NOTCH2NLR: variants seen among roughly 807,000 people sequenced by gnomAD.
NOTCH2NLR encodes the protein notch 2 N-terminal like R, also known as notch 2 N-terminal like R (pseudogene).
A neutral mutation model predicts 35.6 loss-of-function variants in NOTCH2NLR; 33 were observed. The observed-to-expected ratio is 0.93, with a 90% confidence interval of 0.70 to 1.24. The LOEUF is 1.24. Among genes scored for constraint, NOTCH2NLR ranks in the 50% most tolerant of loss-of-function variants. NOTCH2NLR has a pLI of 0.00. For missense variants in NOTCH2NLR, 276 were observed against 362.2 expected, an observed-to-expected ratio of 0.76 and a Z score of 1.93; for synonymous variants, 103 against 141.0, an observed-to-expected ratio of 0.73 and a Z score of 1.91.
In NOTCH2NLR at chr1:120,728,419, A is replaced by G. The variant is rs1650838949; in HGVS notation, c.73+4169A>G. On this transcript the variant is annotated intron_variant, in intron 1 of 4. Transcript: ENST00000624419. ...AATTTTTCCCTTCCCCAGATGTTTC[A>G]TTTAAACTTGTAATTTTGAATTTCT... Among the ~76,000 whole-genome samples, 6 of 110,530 alleles carry G rather than the reference A, an allele frequency of 5.4e-5. 1 individual carries two copies. The South Asian group carries it at 1.6e-3, about 30-fold the overall frequency. The allele number at this position is 110,530 out of a possible 152,430, so 72.5% of individuals were successfully genotyped here.
At chr1:120,740,296 AGGTT>A (rs1362042866) in intron 1 of NOTCH2NLR, among the ~76,000 whole-genome samples, 1 of 117,086 alleles carries the variant, frequency 8.5e-6, no homozygotes, top group East Asian at 2.2e-4. Flanking sequence ...AGGCTAGGGG[AGGTT>A]GAGGAGATTA....
intron 3 of NOTCH2NLR, among the ~76,000 whole-genome samples, chr1:120,790,312 C>G (rs1423705058): frequency 8.9e-6 from 1 of 112,592 alleles, no homozygotes; most frequent in Admixed American, 8.4e-5. Context: ...CCACACCGGG[C>G]CGATTCTGAT....
rs1272569177 is a variant in NOTCH2NLR, at chr1:120,756,509, GA to G, written c.74-7112del. On this transcript the variant is annotated intron_variant, in intron 1 of 4. Coordinates refer to ENST00000624419, the Ensembl canonical transcript of NOTCH2NLR. ...ACACTGCAGATAGGGAGAAGGATAT[GA>G]AAAAAATCATGTGAGATAGACGACA... Among the ~76,000 whole-genome samples the G allele has an allele frequency of 2.6e-4, 30 of 116,826 alleles. 5 individuals carry two copies. The highest frequency in any genetic ancestry group is 2.4e-3 in the Admixed American group (30 of 12,298). 76.6% of individuals were successfully genotyped at this position (116,826 alleles called of 152,430 possible).
chr1:120,779,474 G>A (rs1178877431), intron 2 of NOTCH2NLR, among the ~76,000 whole-genome samples: 1 of 117,706 alleles, frequency 8.5e-6, no homozygotes, highest in Non-Finnish European at 1.7e-5. Flanking sequence ...CAATGCTAGA[G>A]AAGAGAGAGT....
intron 2 of NOTCH2NLR, among the ~76,000 whole-genome samples, chr1:120,765,571 G>T (rs1651181921): frequency 1.4e-5 from 1 of 71,872 alleles, no homozygotes; most frequent in Non-Finnish European, 2.7e-5. Context: ...TTTCAGTGTG[G>T]CGATTCCTCA....
rs1467135869 is a variant in NOTCH2NLR, at chr1:120,784,874, C to A, written c.156-100C>A. 3.6e-5 allele frequency: 38 copies of A among 1,043,044 alleles called. 7 individuals are homozygous for A. The highest frequency in any genetic ancestry group is 4.6e-5 in the Non-Finnish European group (34 of 733,772). 64.6% of individuals were successfully genotyped at this position (1,043,044 alleles called of 1,614,324 possible). A position where few individuals can be genotyped will look rare whatever the true frequency, so the allele number is the denominator to read the frequency against. ...TGGTACTTGTAGGTCTGTTGATTCA[C>A]AATCTCGTGCTTTCTTGATTGGACT... On this transcript the variant is annotated intron_variant, in intron 2 of 4. Coordinates refer to ENST00000624419, the Ensembl canonical transcript of NOTCH2NLR.
At chr1:120,769,660 A>T (rs1412727859) in intron 2 of NOTCH2NLR, among the ~76,000 whole-genome samples, 1 of 120,572 alleles carries the variant, frequency 8.3e-6, no homozygotes, top group East Asian at 2.0e-4. Context: ...TTCAAGAGTT[A>T]TTTATTGCAT....
chr1:120,724,671 G>T (rs1432407747), intron 1 of NOTCH2NLR, among the ~76,000 whole-genome samples: 1 of 124,236 alleles, frequency 8.0e-6, no homozygotes, highest in Non-Finnish European at 1.6e-5. Flanking sequence ...GGAGAGCGGG[G>T]GCAGGGCCGC....
intron 2 of NOTCH2NLR, among the ~76,000 whole-genome samples, chr1:120,770,608 A>G (rs1651252274): frequency 8.3e-6 from 1 of 121,100 alleles, no homozygotes; most frequent in South Asian, 2.3e-4. Context: ...GTAGTTTAAC[A>G]TGTATTTACT....
intron 3 of NOTCH2NLR, among the ~76,000 whole-genome samples, chr1:120,789,876 A>G (rs1165586365): frequency 1.7e-5 from 1 of 57,158 alleles, no homozygotes; most frequent in Non-Finnish European, 2.9e-5. Flanking sequence ...AAATATTTCA[A>G]TTCTGGCTAG....
exon 1 of NOTCH2NLR, chr1:120,724,171 C>A: frequency 3.6e-6 from 5 of 1,387,364 alleles, no homozygotes; most frequent in Non-Finnish European, 3.8e-6. Flanking sequence ...AGGAGGCGAC[C>A]GAGAAGATGC....
In NOTCH2NLR at chr1:120,790,615, T is replaced by C. The variant is rs1417631875; in HGVS notation, c.416-2546T>C. 8.4e-4 allele frequency among the ~76,000 whole-genome samples: 91 copies of C among 107,712 alleles called. 27 individuals carry two copies. The highest frequency in any genetic ancestry group is 4.9e-3 in the African/African-American group (83 of 16,952). 70.7% of individuals were successfully genotyped at this position (107,712 alleles called of 152,430 possible). A position where few individuals can be genotyped will look rare whatever the true frequency, so the allele number is the denominator to read the frequency against. On this transcript the variant is annotated intron_variant, in intron 3 of 4. Coordinates refer to ENST00000624419, the Ensembl canonical transcript of NOTCH2NLR. ...TTCTCTTTCTCTCTCTTTCCCTCTC[T>C]CTTTCTGTCTTTCTTTCTTCTCACT...
rs1385546258 is a variant in NOTCH2NLR, at chr1:120,778,606, G to T, written c.156-6368G>T. Among the ~76,000 whole-genome samples the T allele has an allele frequency of 2.4e-3, 40 of 16,388 alleles. 6 individuals are homozygous for T. The highest frequency in any genetic ancestry group is 0.022 in the African/African-American group (29 of 1,320). The allele number at this position is 16,388 out of a possible 152,430, so 10.8% of individuals were successfully genotyped here. A position where few individuals can be genotyped will look rare whatever the true frequency, so the allele number is the denominator to read the frequency against. ...TTTTTTTTTGAATGGCCAAATCCTC[G>T]TTTTAAAAAAAAAAAAAAAAAAAAA... On this transcript the variant is annotated intron_variant, in intron 2 of 4. Coordinates refer to ENST00000624419, the Ensembl canonical transcript of NOTCH2NLR.
intron 2 of NOTCH2NLR, among the ~76,000 whole-genome samples, chr1:120,769,321 C>A (rs1651234148): frequency 6.6e-6 from 1 of 151,312 alleles, no homozygotes; most frequent in Non-Finnish European, 1.5e-5. Context: ...TTCCCCTTTT[C>A]CTTCACCTTC....
exon 3 of NOTCH2NLR, chr1:120,785,158 C>A (rs1651411439): frequency 6.9e-7 from 1 of 1,446,436 alleles, no homozygotes; most frequent in South Asian, 1.2e-5. Flanking sequence ...TGTGTCTCGA[C>A]CTTGCCTGAA....
rs1440675704 is a variant in NOTCH2NLR, at chr1:120,724,729, G to T, written c.73+479G>T. Among the ~76,000 whole-genome samples, 2 of 122,676 alleles carry T rather than the reference G, an allele frequency of 1.6e-5. 1 individual carries two copies. The highest frequency in any genetic ancestry group is 8.1e-5 in the African/African-American group (2 of 24,782). The allele number at this position is 122,676 out of a possible 152,430, so 80.5% of individuals were successfully genotyped here. Reference sequence around the variant, plus strand: ...CGCAGCCAGCCTCGCCTTTGCCAGGGGGCGGCACATGGGCCGGGTGTGTGG... The same window carrying T: ...CGCAGCCAGCCTCGCCTTTGCCAGGTGGCGGCACATGGGCCGGGTGTGTGG... On this transcript the variant is annotated intron_variant, in intron 1 of 4. Transcript: ENST00000624419.
intron 1 of NOTCH2NLR, among the ~76,000 whole-genome samples, chr1:120,742,318 T>C (rs1650947837): frequency 6.3e-5 from 2 of 31,842 alleles, no homozygotes; most frequent in Non-Finnish European, 4.9e-5. Context: ...TGTGCGTGTG[T>C]GTGTGTGTGT....
intron 1 of NOTCH2NLR, among the ~76,000 whole-genome samples, chr1:120,758,949 A>G (rs1173367713): frequency 1.9e-5 from 2 of 103,344 alleles, no homozygotes; most frequent in Non-Finnish European, 3.6e-5. Flanking sequence ...CTTTTTATAC[A>G]TTACTGGGTT....
intron 1 of NOTCH2NLR, among the ~76,000 whole-genome samples, chr1:120,756,344 T>G (rs1476471530): frequency 8.5e-6 from 1 of 117,368 alleles, no homozygotes. Context: ...CTCTCAAATA[T>G]TGCTACTTGA....
Sources: gnomAD v4.1 joint callset for allele counts (sites outside exome capture counted in the v4.1 genomes callset) on GRCh38, gnomAD v4.1.1 for gene constraint, MANE v1.5 for transcripts, NCBI Gene and HGNC (gene_info 2026-07-23, HGNC 2026-07-21) for gene names.